Variants in ZNF398 observed in about 807,000 individuals in gnomAD.
ZNF398 encodes zinc finger DNA binding protein ZER6.
A neutral mutation model predicts 41.9 loss-of-function variants in ZNF398; 18 were observed. The observed-to-expected ratio is 0.43, with a 90% CI of 0.30 to 0.64. The LOEUF (loss-of-function observed/expected upper bound fraction) is 0.64. ZNF398 is among the 30% of genes least tolerant of loss of function. ZNF398 has a pLI of 0.14. For missense variants in ZNF398, 669 were observed against 822.8 expected, an observed-to-expected ratio of 0.81 and a Z score of 2.29; for synonymous variants, 260 against 308.8, an observed-to-expected ratio of 0.84 and a Z score of 1.66.
chr7:149,132,749 TTGGAAAGAAAAACAGAAGA>T (rs1308099923), intron 2 of ZNF398, among the ~76,000 whole-genome samples: 12 of 152,014 alleles, frequency 7.9e-5, no homozygotes, highest in East Asian at 3.9e-4. Flanking sequence ...GCACAAGTGG[TTGGAAAGAAAAACAGAAGA>T]TGGAAAGAAA....
At chr7:149,175,350 A>G (rs1054825063) in intron 4 of ZNF398, among the ~76,000 whole-genome samples, 1 of 152,142 alleles carries the variant, frequency 6.6e-6, no homozygotes, top group African/African-American at 2.4e-5. Flanking sequence ...GTCCAAAAAA[A>G]AAAAAATAAT....
At chr7:149,149,115 C>T (rs1399417499) in intron 1 of ZNF398, among the ~76,000 whole-genome samples, 1 of 151,214 alleles carries the variant, frequency 6.6e-6, no homozygotes, top group Non-Finnish European at 1.5e-5. Flanking sequence ...GCAGTCCACA[C>T]CGCGTCTCTA....
At position 149,178,631 on chromosome 7, in the gene ZNF398, G is replaced by T. The variant is rs1415520391; in HGVS notation, c.776-17G>T. 6.2e-7 allele frequency: 1 copy of T among 1,606,130 alleles called. No homozygotes were observed. Among genetic ancestry groups the T allele is most frequent in the East Asian group, 2.2e-5 (1 of 44,824 alleles). On this transcript the variant is annotated splice_polypyrimidine_tract_variant and intron_variant, in intron 5 of 5. Coordinates refer to ENST00000475153, the MANE Select transcript of ZNF398 (RefSeq NM_170686.3). ...GACAGTTATTGATGGGTATAACTCT[G>T]GAGTCTTTTCTTTCAGATGAAGAGC...
intron 2 of ZNF398, among the ~76,000 whole-genome samples, chr7:149,130,410 G>C (rs1443394655): frequency 1.3e-5 from 2 of 152,144 alleles, no homozygotes; most frequent in African/African-American, 4.8e-5. Flanking sequence ...CCAAGTTTTG[G>C]AATTCTGAAT....
intron 2 of ZNF398, among the ~76,000 whole-genome samples, chr7:149,138,571 C>T (rs1826761526): frequency 6.6e-6 from 1 of 152,142 alleles, no homozygotes; most frequent in Non-Finnish European, 1.5e-5. Context: ...CACAGTGAAA[C>T]TCCATCTCAA....
intron 2 of ZNF398, among the ~76,000 whole-genome samples, chr7:149,141,321 G>T (rs1247524034): frequency 1.8e-4 from 26 of 147,614 alleles, no homozygotes; most frequent in Middle Eastern, 3.5e-3. Flanking sequence ...TTGAGACAGA[G>T]TTTCGCTCTT....
intron 2 of ZNF398, among the ~76,000 whole-genome samples, chr7:149,129,704 G>T (rs1306453461): frequency 1.3e-5 from 2 of 151,898 alleles, no homozygotes; most frequent in African/African-American, 4.8e-5. Flanking sequence ...TTTAATTGCT[G>T]ATAGTATTCC....
intron 4 of ZNF398, among the ~76,000 whole-genome samples, chr7:149,174,996 T>C (rs761600736): frequency 1.3e-5 from 2 of 152,206 alleles, no homozygotes; most frequent in Non-Finnish European, 2.9e-5. Context: ...GATTGGACTA[T>C]GTTTAATACA....
chr7:149,137,027 T>C (rs1826728889), intron 2 of ZNF398, among the ~76,000 whole-genome samples: 1 of 151,842 alleles, frequency 6.6e-6, no homozygotes, highest in Non-Finnish European at 1.5e-5. Context: ...CCAGCATGCC[T>C]GGCTAATTTT....
intron 4 of ZNF398, among the ~76,000 whole-genome samples, chr7:149,169,788 G>T (rs1479056536): frequency 6.6e-6 from 1 of 152,060 alleles, no homozygotes; most frequent in Non-Finnish European, 1.5e-5. Flanking sequence ...TATGCTCCTG[G>T]CTCTGTTGGA....
intron 4 of ZNF398, among the ~76,000 whole-genome samples, chr7:149,171,520 C>T (rs190554336): frequency 7.2e-4 from 109 of 151,490 alleles, no homozygotes; most frequent in Middle Eastern, 3.5e-3. Context: ...AGGCATGCTG[C>T]GCCCCCACGC....
intron 2 of ZNF398, among the ~76,000 whole-genome samples, chr7:149,162,133 T>C (rs2129520857): frequency 6.6e-6 from 1 of 152,048 alleles, no homozygotes; most frequent in East Asian, 1.9e-4. Flanking sequence ...GTGAGACTCT[T>C]GACTCAGCCT....
intron 4 of ZNF398, among the ~76,000 whole-genome samples, chr7:149,172,444 C>T (rs1291402575): frequency 6.6e-6 from 1 of 151,950 alleles, no homozygotes; most frequent in Admixed American, 6.6e-5. Flanking sequence ...TTAAGTACCC[C>T]GCGCTCCCCC....
At chr7:149,174,160 C>A (rs988473393) in intron 4 of ZNF398, among the ~76,000 whole-genome samples, 12 of 152,246 alleles carry the variant, frequency 7.9e-5, no homozygotes, top group African/African-American at 2.6e-4. Flanking sequence ...GGGTTCAAGT[C>A]ACCAGCTGCA....
At chr7:149,171,570 C>A (rs1795344053) in intron 4 of ZNF398, among the ~76,000 whole-genome samples, 2 of 152,152 alleles carry the variant, frequency 1.3e-5, no homozygotes, top group South Asian at 4.2e-4. Flanking sequence ...CGAGGTTTCA[C>A]CATGTTGGCC....
chr7:149,148,474 C>T, intron 1 of ZNF398: 8 of 985,486 alleles, frequency 8.1e-6, no homozygotes, highest in Non-Finnish European at 9.6e-6. Context: ...GCATTTGCCA[C>T]CCAAGAGGTC....
chr7:149,149,684 T>A (rs145577926), intron 1 of ZNF398, among the ~76,000 whole-genome samples: 13 of 98,360 alleles, frequency 1.3e-4, no homozygotes, highest in Admixed American at 4.6e-4. Flanking sequence ...CAAAAAAAAT[T>A]TTTTTTTTTA....
chr7:149,148,854 T>C (rs1053482406), intron 1 of ZNF398, among the ~76,000 whole-genome samples: 1 of 145,420 alleles, frequency 6.9e-6, no homozygotes, highest in Non-Finnish European at 1.5e-5. Context: ...CACGGACCTT[T>C]TTCTTTGTCT....
chr7:149,146,060 C>T (rs1826931159), upstream of ZNF398, among the ~76,000 whole-genome samples: 1 of 149,082 alleles, frequency 6.7e-6, no homozygotes, highest in Non-Finnish European at 1.5e-5. Flanking sequence ...ATTCTCTTGC[C>T]TCAGCCTCCG....
Sources: gnomAD v4.1 joint callset for allele counts (sites outside exome capture counted in the v4.1 genomes callset) on GRCh38, gnomAD v4.1.1 for gene constraint, MANE v1.5 for transcripts, NCBI Gene and HGNC (gene_info 2026-07-23, HGNC 2026-07-21) for gene names.